Variants in CSMD1 observed in about 807,000 individuals in gnomAD.
CSMD1 encodes CUB and sushi domain-containing protein 1.
In CSMD1, 213 loss-of-function variants were observed where a neutral mutation model predicts 417.5. The observed-to-expected ratio is 0.51, with a 90% CI of 0.46 to 0.57. The LOEUF is 0.57. Ranked by LOEUF, CSMD1 falls within the 20% of genes least tolerant of loss-of-function variation. The probability of loss-of-function intolerance (pLI) is 0.00; values close to 1 mark genes in which losing one functional copy is unlikely to be tolerated. For missense variants in CSMD1, 6,923 were observed against 4,529.7 expected, an observed-to-expected ratio of 1.53 and a Z score of -15.17; for synonymous variants, 2,862 against 1,736.8, an observed-to-expected ratio of 1.65 and a Z score of -16.11.
chr8:3,184,132 T>G (rs1168191908), intron 36 of CSMD1, among the ~76,000 whole-genome samples: 1 of 152,182 alleles, frequency 6.6e-6, no homozygotes, highest in East Asian at 1.9e-4. Context: ...ATTACTTGTT[T>G]TTCAGAATCA....
At chr8:3,202,566 G>A (rs934412403) in intron 31 of CSMD1, among the ~76,000 whole-genome samples, 9 of 152,094 alleles carry the variant, frequency 5.9e-5, no homozygotes, top group African/African-American at 2.2e-4. Flanking sequence ...CTGTGATTTG[G>A]TATATACTTA....
At position 3,348,131 on chromosome 8, in the gene CSMD1, T is replaced by C. The variant is rs1808134765; in HGVS notation, c.3335A>G (p.Glu1112Gly). 8 of 1,612,436 alleles carry C rather than the reference T, an allele frequency of 5.0e-6. No individual in the cohort carries two copies. Among genetic ancestry groups the C allele is most frequent in the Non-Finnish European group, 6.8e-6 (8 of 1,179,236 alleles). ...AAAATTTGGAGACAGTAATGTTCCT[T>C]CATTTCCTTTGACACTTGCTCCACA... ...AECGASVKGN[E>G]GTLLSPNFPS... Residue 1112 changes from glutamate to glycine, a missense_variant, in exon 22 of 70, where the codon GAA becomes GGA. Physicochemically the swap from Glu to Gly is moderately conservative, Grantham distance 98 (BLOSUM62 -2). Transcript: ENST00000635120.
At chr8:4,479,540 A>G (rs1417449546) in intron 2 of CSMD1, among the ~76,000 whole-genome samples, 1 of 152,148 alleles carries the variant, frequency 6.6e-6, no homozygotes, top group Non-Finnish European at 1.5e-5. Context: ...CTCATTGATC[A>G]CTCGTTTCAC....
intron 3 of CSMD1, among the ~76,000 whole-genome samples, chr8:4,251,345 T>G (rs1050929196): frequency 6.6e-6 from 1 of 152,144 alleles, no homozygotes; most frequent in African/African-American, 2.4e-5. Flanking sequence ...TTTAATAAAA[T>G]GTAATTTAAG....
chr8:3,383,811 G>A (rs1376230488), intron 18 of CSMD1, among the ~76,000 whole-genome samples: 1 of 152,038 alleles, frequency 6.6e-6, no homozygotes, highest in Non-Finnish European at 1.5e-5. Flanking sequence ...ACAAAAATGT[G>A]CTCAGAACAA....
chr8:4,036,987 G>C (rs1797655201), intron 3 of CSMD1, among the ~76,000 whole-genome samples: 1 of 151,620 alleles, frequency 6.6e-6, no homozygotes, highest in Non-Finnish European at 1.5e-5. Context: ...GTGTGTGTGT[G>C]TGTGTGTGTG....
chr8:3,074,005 G>A (rs973308299), intron 49 of CSMD1, among the ~76,000 whole-genome samples: 3 of 152,224 alleles, frequency 2.0e-5, no homozygotes, highest in Non-Finnish European at 4.4e-5. Flanking sequence ...CTGCAGTTCA[G>A]GTACGGGCGT....
chr8:3,554,971 G>T (rs941812762), intron 10 of CSMD1, among the ~76,000 whole-genome samples: 2 of 152,004 alleles, frequency 1.3e-5, no homozygotes, highest in East Asian at 3.9e-4. Flanking sequence ...CAGACACCTG[G>T]GCTCTTGTCA....
At chr8:4,614,139 G>C (rs1392159944) in intron 2 of CSMD1, among the ~76,000 whole-genome samples, 1 of 152,064 alleles carries the variant, frequency 6.6e-6, no homozygotes, top group African/African-American at 2.4e-5. Flanking sequence ...GAACTTTTAA[G>C]TTCTGATAAT....
At chr8:3,022,425 C>A (rs1192979170) in intron 51 of CSMD1, among the ~76,000 whole-genome samples, 1 of 152,222 alleles carries the variant, frequency 6.6e-6, no homozygotes, top group Non-Finnish European at 1.5e-5. Context: ...ACATCGACAG[C>A]GTGTTTTCTC....
In CSMD1 at chr8:2,966,645, A is replaced by G; in HGVS notation, c.9025T>C (p.Tyr3009His). The change falls in exon 58 of 70, where the codon TAC (tyrosine) becomes CAC (histidine). Residue 3009 changes from tyrosine to histidine, a missense_variant. Transcript: ENST00000635120. Reference sequence around the variant, plus strand: ...CGTGTCATGAGCCCTGAGGTCTTGTAGCCTTCCCAGCAGGCATAGATGACC... The same window carrying G: ...CGTGTCATGAGCCCTGAGGTCTTGTGGCCTTCCCAGCAGGCATAGATGACC... Reference protein sequence around the residue: ...SSVIYACWEGYKTSGLMTRHC... With the variant: ...SSVIYACWEGHKTSGLMTRHC... 6.2e-7 allele frequency: 1 copy of G among 1,613,758 alleles called. No individual in the cohort carries two copies. The highest frequency in any genetic ancestry group is 8.5e-7 in the Non-Finnish European group (1 of 1,179,782).
At chr8:4,514,073 T>A (rs889567653) in intron 2 of CSMD1, among the ~76,000 whole-genome samples, 5 of 152,030 alleles carry the variant, frequency 3.3e-5, no homozygotes, top group Admixed American at 3.3e-4. Flanking sequence ...AAATTTTTAT[T>A]TTATTATTAT....
At chr8:4,693,002 C>T (rs760442038) in intron 1 of CSMD1, among the ~76,000 whole-genome samples, 1 of 152,162 alleles carries the variant, frequency 6.6e-6, no homozygotes, top group Non-Finnish European at 1.5e-5. Flanking sequence ...CAAAGCTCAT[C>T]ATGGGAAAAC....
chr8:4,673,737 T>C (rs1461756766), intron 1 of CSMD1, among the ~76,000 whole-genome samples: 2 of 152,200 alleles, frequency 1.3e-5, no homozygotes, highest in Non-Finnish European at 2.9e-5. Flanking sequence ...GACATAATGC[T>C]AAGTGTAAGA....
intron 3 of CSMD1, among the ~76,000 whole-genome samples, chr8:4,045,218 A>G (rs1049443944): frequency 6.6e-5 from 10 of 152,178 alleles, no homozygotes; most frequent in African/African-American, 1.9e-4. Flanking sequence ...AATGTGGGCG[A>G]CAGTTGTCCC....
At chr8:4,186,953 G>C (rs191592442) in intron 3 of CSMD1, among the ~76,000 whole-genome samples, 48 of 152,172 alleles carry the variant, frequency 3.2e-4, no homozygotes, top group African/African-American at 1.1e-3. Flanking sequence ...CTGCACTCTA[G>C]CCTGGGTGAC....
chr8:4,207,109 C>G (rs147760769), intron 3 of CSMD1, among the ~76,000 whole-genome samples: 2 of 151,874 alleles, frequency 1.3e-5, no homozygotes, highest in African/African-American at 4.8e-5. Context: ...TTCTCATTTT[C>G]TAAATAGTCT....
intron 8 of CSMD1, among the ~76,000 whole-genome samples, chr8:3,615,626 T>C (rs1301830499): frequency 2.0e-5 from 3 of 152,324 alleles, no homozygotes; most frequent in South Asian, 4.1e-4. Flanking sequence ...TTCTTATTTT[T>C]CTATTGCTTT....
chr8:4,851,215 G>A (rs1452493964), intron 1 of CSMD1, among the ~76,000 whole-genome samples: 1 of 150,492 alleles, frequency 6.6e-6, no homozygotes, highest in Non-Finnish European at 1.5e-5. Flanking sequence ...TTTGTCCTTG[G>A]CAATAGTTTG....
Sources: allele counts gnomAD v4.1 joint callset (sites outside exome capture counted in the v4.1 genomes callset), GRCh38; gene constraint gnomAD v4.1.1; transcripts MANE v1.5; gene names NCBI Gene and HGNC (gene_info 2026-07-23, HGNC 2026-07-21).